HCN3: variants seen among roughly 807,000 people sequenced by gnomAD.
HCN3 encodes hyperpolarization activated cyclic nucleotide gated potassium channel 3, also known as potassium/sodium hyperpolarization-activated cyclic nucleotide-gated channel 3.
HCN3 carries 36 observed loss-of-function variants against 56.8 expected under a neutral mutation model. That is an observed-to-expected ratio of 0.63 (90% CI 0.49 to 0.84). HCN3 has a LOEUF of 0.84. Ranked by LOEUF, HCN3 falls within the 40% of genes least tolerant of loss-of-function variation. The pLI, the probability that HCN3 is intolerant of heterozygous loss-of-function variation, is 0.00. For synonymous variants in HCN3, 425 were observed against 439.7 expected (o/e 0.97, Z 0.42); for missense variants, 930 against 1,079.3 (o/e 0.86, Z 1.94).
intron 1 of HCN3, 64 bp downstream of exon 1, chr1:155,277,932 G>A (rs1673875965): frequency 6.5e-7 from 1 of 1,543,004 alleles, no homozygotes; most frequent in African/African-American, 1.4e-5. Context: ...AGCGACACCG[G>A]GACCCGGCCC....
chr1:155,287,419 G>C, intron 7 of HCN3, 82 bp downstream of exon 7: 1 of 1,523,194 alleles, frequency 6.6e-7, no homozygotes, highest in South Asian at 1.2e-5. Flanking sequence ...AGGCTTTAGG[G>C]CTCCAGGGTC....
intron 1 of HCN3, among the ~76,000 whole-genome samples, chr1:155,281,785 C>T (rs968735398): frequency 6.6e-6 from 1 of 151,990 alleles, no homozygotes; most frequent in Non-Finnish European, 1.5e-5. Context: ...CAGGCGTGAG[C>T]CATAGCTTTT....
intron 1 of HCN3, among the ~76,000 whole-genome samples, chr1:155,281,052 C>T (rs1263599232): frequency 1.3e-5 from 2 of 150,526 alleles, no homozygotes; most frequent in East Asian, 1.9e-4. Context: ...CCGCACCCAG[C>T]GCCTGGCTAA....
Position 155,277,551 on chromosome 1 carries a change from A to T in HCN3, c.-40A>T. On this transcript the variant is annotated 5_prime_UTR_variant, in exon 1 of 8. Transcript: ENST00000368358. ...GGTTGCGGGTACCTGATGGCCACAG[A>T]GGGCTCTAGGAGGCCGAGCGTGTAA... The T allele has an allele frequency of 6.5e-7, 1 of 1,528,794 alleles. No individual in the cohort carries two copies. The highest frequency in any genetic ancestry group is 8.8e-7 in the Non-Finnish European group (1 of 1,138,526). The allele number at this position is 1,528,794 out of a possible 1,614,324, so 94.7% of individuals were successfully genotyped here.
At chr1:155,278,275 C>A (rs1673888042) in intron 1 of HCN3, 4 of 226,658 alleles carry the variant, frequency 1.8e-5, no homozygotes, top group South Asian at 1.4e-4. Flanking sequence ...CCGAGCTCCG[C>A]CATCTCCCAT....
intron 1 of HCN3, among the ~76,000 whole-genome samples, chr1:155,281,596 T>C (rs1674053910): frequency 6.6e-6 from 1 of 151,580 alleles, no homozygotes; most frequent in Non-Finnish European, 1.5e-5. Flanking sequence ...CTCAAACTCC[T>C]GACCTCAGGT....
In HCN3 at chr1:155,288,413, G is replaced by C; in HGVS notation, c.2275G>C (p.Val759Leu). Residue 759 changes from valine (V) to leucine (L), a missense_variant, in exon 8 of 8, where the codon GTG (valine) becomes CTG (leucine). Coordinates refer to ENST00000368358, the MANE Select transcript of HCN3 (RefSeq NM_020897.3). The surrounding 1 kb of genome is among the most constrained non-coding windows in gnomAD (Gnocchi z 6.5). ...PRTAQPPRPP[V>L]PEPATPRGLQ... ...GACAGCCCAGCCCCCCAGGCCACCA[G>C]TGCCTGAGCCAGCCACACCCCGGGG... The C allele has an allele frequency of 1.2e-6, 2 of 1,612,358 alleles. No homozygotes were observed. Among genetic ancestry groups the C allele is most frequent in the Non-Finnish European group, 1.7e-6 (2 of 1,179,310 alleles).
At position 155,287,907 on chromosome 1, in the gene HCN3, C is replaced by T. The variant is rs779748109; in HGVS notation, c.1769C>T (p.Pro590Leu). The T allele has an allele frequency of 3.5e-5, 57 of 1,613,838 alleles. No homozygotes were observed. Among genetic ancestry groups the T allele is most frequent in the South Asian group, 2.7e-4 (25 of 91,078 alleles). The part of the protein sequence containing the change: ...DMARGVRGRA[P>L]STGAQLSGKP... ...GCTCGGGGTGTTCGGGGTCGGGCCC[C>T]GAGCACAGGAGCTCAGCTTAGTGGA... Residue 590 changes from proline to leucine, a missense_variant, in exon 8 of 8, where the codon CCG becomes CTG. By Grantham distance (98) the Pro-to-Leu change is moderately conservative (BLOSUM62 -3). Coordinates refer to ENST00000368358, the MANE Select transcript of HCN3 (RefSeq NM_020897.3).
Position 155,282,821 on chromosome 1 carries a change from A to G in HCN3, c.689A>G (p.Tyr230Cys). The part of the protein sequence containing the change: ...RLLRLSRLIR[Y>C]IHQWEEIFHM... ...CTCCGCCTCTCCCGCCTCATCCGCT[A>G]CATACACCAGTGGGAGGAGGTGGGG... is the stretch of plus-strand genomic sequence containing the variant. Residue 230 changes from tyrosine (Y) to cysteine (C), a missense_variant, in exon 2 of 8, where the codon TAC (tyrosine) becomes TGC (cysteine). Tyr to Cys is a radical substitution (Grantham distance 194). Transcript: ENST00000368358. This position sits in a 1 kb window ranked among gnomAD's most constrained non-coding sequence, Gnocchi z 4.7. 1.2e-6 allele frequency: 2 copies of G among 1,611,294 alleles called. No homozygotes were observed. The highest frequency in any genetic ancestry group is 8.5e-7 in the Non-Finnish European group (1 of 1,178,964).
intron 1 of HCN3, chr1:155,278,346 G>C (rs1673890215): frequency 6.2e-6 from 1 of 162,182 alleles, no homozygotes; most frequent in Non-Finnish European, 1.4e-5. Context: ...GGAAAAATAG[G>C]GACGCTGAAG....
chr1:155,280,885 G>T (rs1259856936), intron 1 of HCN3, among the ~76,000 whole-genome samples: 1 of 149,408 alleles, frequency 6.7e-6, no homozygotes, highest in Non-Finnish European at 1.5e-5. Flanking sequence ...CTCCTGAGTA[G>T]CTGGGATCAC....
chr1:155,284,185 C>A lies in HCN3; in HGVS notation c.870+50C>A. The A allele has an allele frequency of 6.3e-7, 1 of 1,594,114 alleles. No individual in the cohort carries two copies. The highest frequency in any genetic ancestry group is 1.1e-5 in the South Asian group (1 of 89,366). On this transcript the variant is annotated intron_variant, in intron 3 of 7. Coordinates refer to ENST00000368358, the MANE Select transcript of HCN3 (RefSeq NM_020897.3). This position sits in a 1 kb window ranked among gnomAD's most constrained non-coding sequence, Gnocchi z 4.3. ...TTTCCTGGGCCTTCTTAGGGCTCTT[C>A]TGCCTGAGTAGCAGGGATGGCCACA... is the stretch of plus-strand genomic sequence containing the variant.
chr1:155,282,827 A>G lies in HCN3; in HGVS notation c.695A>G (p.His232Arg). 7.6e-7 allele frequency: 1 copy of G among 1,318,222 alleles called. No individual in the cohort carries two copies. The highest frequency in any genetic ancestry group is 1.0e-6 in the Non-Finnish European group (1 of 988,062). 81.7% of individuals were successfully genotyped at this position (1,318,222 alleles called of 1,614,324 possible). A position where few individuals can be genotyped will look rare whatever the true frequency, so the allele number is the denominator to read the frequency against. The change falls in exon 2 of 8, where the codon CAC becomes CGC. Residue 232 changes from histidine (H) to arginine (R), a missense_variant. Coordinates refer to ENST00000368358, the MANE Select transcript of HCN3 (RefSeq NM_020897.3). This position sits in a 1 kb window ranked among gnomAD's most constrained non-coding sequence, Gnocchi z 4.7. ...CTCTCCCGCCTCATCCGCTACATAC[A>G]CCAGTGGGAGGAGGTGGGGTGGGGA... ...LRLSRLIRYI[H>R]QWEEIFHMTY... is the part of the protein sequence containing the mutation.
Position 155,282,872 on chromosome 1 carries a change from G to A in HCN3, c.708+32G>A. 6.5e-7 allele frequency: 1 copy of A among 1,529,306 alleles called. No individual in the cohort carries two copies. The highest frequency in any genetic ancestry group is 8.8e-7 in the Non-Finnish European group (1 of 1,135,456). 94.7% of individuals were successfully genotyped at this position (1,529,306 alleles called of 1,614,324 possible). ...TGGGGAGATGGCGGGCGGGGCAGTG[G>A]GTGGGGGATGTTGGGGGAGAAGGGG... On this transcript the variant is annotated intron_variant, in intron 2 of 7. Transcript: ENST00000368358. The surrounding 1 kb of genome is among the most constrained non-coding windows in gnomAD (Gnocchi z 4.7).
rs137971983 is a variant in HCN3 at position 155,285,928 on chromosome 1, C to T, written c.1441C>T (p.Arg481Trp). ...GLLSVLARGA[R>W]DTRLTDGSYF... ...GCTCAGTGTGCTGGCCCGCGGCGCC[C>T]GGGACACACGCCTCACCGATGGATC... The change falls in exon 6 of 8, where the codon CGG becomes TGG. Residue 481 changes from arginine to tryptophan, a missense_variant. Physicochemically the swap from Arg to Trp is moderately radical, Grantham distance 101. Transcript: ENST00000368358. The surrounding 1 kb of genome is among the most constrained non-coding windows in gnomAD (Gnocchi z 4.5). 2,458 of 1,603,584 alleles carry T rather than the reference C, an allele frequency of 1.5e-3. 3 individuals carry two copies. Among genetic ancestry groups the T allele is most frequent in the Non-Finnish European group, 2.0e-3 (2,297 of 1,172,362 alleles).
chr1:155,283,318 G>A (rs925663508), intron 2 of HCN3, among the ~76,000 whole-genome samples: 65 of 152,162 alleles, frequency 4.3e-4, no homozygotes, highest in African/African-American at 1.5e-3. Flanking sequence ...AGACTGTTAG[G>A]ATTAAAGGAA....
intron 1 of HCN3, 68 bp downstream of exon 1, chr1:155,277,936 C>G (rs1218641130): frequency 6.6e-7 from 1 of 1,524,702 alleles, no homozygotes; most frequent in Non-Finnish European, 8.9e-7. Context: ...ACACCGGGAC[C>G]CGGCCCGCCC....
Position 155,284,147 on chromosome 1 carries a change from C to T in HCN3, c.870+12C>T. 1 of 1,612,446 alleles carries T rather than the reference C, an allele frequency of 6.2e-7. No individual in the cohort carries two copies. Among genetic ancestry groups the T allele is most frequent in the Non-Finnish European group, 8.5e-7 (1 of 1,178,610 alleles). On this transcript the variant is annotated intron_variant, in intron 3 of 7. Coordinates refer to ENST00000368358, the MANE Select transcript of HCN3 (RefSeq NM_020897.3). The surrounding 1 kb of genome is among the most constrained non-coding windows in gnomAD (Gnocchi z 4.3). ...TCAACCACATGGTGGTGAGAAGTCCCCACAGCTCTGCCTTTCCTGGGCCTT... is the reference window on the plus strand; with the variant it reads ...TCAACCACATGGTGGTGAGAAGTCCTCACAGCTCTGCCTTTCCTGGGCCTT...
chr1:155,287,645 C>T, intron 7 of HCN3, 136 bp from the exon 8 acceptor site: 1 of 1,167,188 alleles, frequency 8.6e-7, no homozygotes. Flanking sequence ...CCCCATAGCC[C>T]CATTGCCATA....
Sources: allele counts gnomAD v4.1 joint callset (sites outside exome capture counted in the v4.1 genomes callset), GRCh38; gene constraint gnomAD v4.1.1; non-coding constraint Gnocchi (gnomAD v3.1); transcripts MANE v1.5; gene names NCBI Gene and HGNC (gene_info 2026-07-23, HGNC 2026-07-21).